TTN: variants seen among roughly 807,000 people sequenced by gnomAD.
TTN encodes the protein connectin.
Under a neutral mutation model 3,223.0 loss-of-function variants are expected in TTN, and 1,525 were observed. The observed-to-expected ratio is 0.47, with a 90% CI of 0.45 to 0.49. The LOEUF (loss-of-function observed/expected upper bound fraction) is 0.49, where lower values mean the gene tolerates loss of function less well. TTN is among the 20% of genes least tolerant of loss of function. The pLI is 0.00. For synonymous variants in TTN, 14,094 were observed against 15,161.0 expected (o/e 0.93, Z 5.17); for missense variants, 40,786 against 43,424.0 (o/e 0.94, Z 5.40).
At chr2:178,644,751 A>G (rs2061671543) in intron 217 of TTN, 135 bp from the exon 218 acceptor site, 1 of 615,798 alleles carries the variant, frequency 1.6e-6, no homozygotes, top group Non-Finnish European at 2.7e-6. Context: ...AACAGCCTTC[A>G]AAGAACATAC....
At position 178,572,583 on chromosome 2, in the gene TTN, G is replaced by T; in HGVS notation, c.73549C>A (p.Leu24517Ile). ...TCCTGTGGGGGGCCTGGTGTATCGAGAACTCTAACATTGACAAATGCAGAC... is the reference window on the plus strand; with the variant it reads ...TCCTGTGGGGGGCCTGGTGTATCGATAACTCTAACATTGACAAATGCAGAC... ...SKSAFVNVRV[L>I]DTPGPPQDLK... is the part of the protein sequence containing the mutation. The change falls in exon 326 of 363, where the codon CTC becomes ATC. Residue 24517 changes from leucine to isoleucine, a missense_variant. Physicochemically the swap from Leu to Ile is conservative, Grantham distance 5 (BLOSUM62 2). Coordinates refer to ENST00000589042, the MANE Select transcript of TTN (RefSeq NM_001267550.2). The T allele has an allele frequency of 6.2e-7, 1 of 1,613,418 alleles. No homozygotes were observed.
At position 178,667,237 on chromosome 2, in the gene TTN, T is replaced by A; in HGVS notation, c.35796A>T (p.Glu11932Asp). ...IPEIPEHPPT[E>D]EFEVFKEVIP... ...ATTTTCCTAACTAGAGAATTATACC[T>A]TCAGTTGGAGGATGTTCTGGAATTT... The change falls in exon 162 of 363, where the codon GAA (glutamate) becomes GAT (aspartate). Residue 11932 changes from glutamate to aspartate, a missense_variant and splice_region_variant. Coordinates refer to ENST00000589042, the MANE Select transcript of TTN (RefSeq NM_001267550.2). 1 of 1,595,824 alleles carries A rather than the reference T, an allele frequency of 6.3e-7. No individual in the cohort carries two copies. The highest frequency in any genetic ancestry group is 8.5e-7 in the Non-Finnish European group (1 of 1,170,726).
chr2:178,724,678 T>TGG, intron 71 of TTN, 140 bp from the exon 72 acceptor site: 1 of 732,764 alleles, frequency 1.4e-6, no homozygotes, highest in Non-Finnish European at 1.9e-6. Context: ...TGTGATTCCA[T>TGG]AATTACATGC....
rs2075957760 is a variant in TTN at position 178,706,865 on chromosome 2, C to G, written c.29131G>C (p.Glu9711Gln). The change falls in exon 101 of 363, where the codon GAA (glutamate) becomes CAA (glutamine). Residue 9711 changes from glutamate to glutamine, a missense_variant. Transcript: ENST00000589042. ...VSEPQSIRVV[E>Q]KTTATFIAKV... Reference sequence around the variant, plus strand: ...ACTTCTCATGAAGTGCACTTACTTTCTACGACTCTGATACTCTGAGGTTCT... The same window carrying G: ...ACTTCTCATGAAGTGCACTTACTTTGTACGACTCTGATACTCTGAGGTTCT... The G allele has an allele frequency of 1.2e-6, 2 of 1,611,730 alleles. No homozygotes were observed. The highest frequency in any genetic ancestry group is 1.7e-5 in the Admixed American group (1 of 59,748).
In TTN at chr2:178,567,510, C is replaced by T; in HGVS notation, c.78622G>A (p.Gly26208Arg). The change falls in exon 326 of 363, where the codon GGA becomes AGA. Residue 26208 changes from glycine to arginine, a missense_variant. Physicochemically the swap from Gly to Arg is moderately radical, Grantham distance 125 (BLOSUM62 -2). Transcript: ENST00000589042. ...KFRDTIVVNA[G>R]ETFRLEADVH... is the part of the protein sequence containing the mutation. ...TCAGCCTCAAGTCTGAATGTTTCTC[C>T]AGCATTTACCACAATTGTGTCTCTG... 6.2e-7 allele frequency: 1 copy of T among 1,612,578 alleles called. No individual in the cohort carries two copies. The highest frequency in any genetic ancestry group is 1.3e-5 in the African/African-American group (1 of 74,954).
intron 350 of TTN, among the ~76,000 whole-genome samples, chr2:178,540,930 T>C (rs768670428): frequency 1.7e-4 from 26 of 152,238 alleles, no homozygotes; most frequent in Non-Finnish European, 2.5e-4. Flanking sequence ...ATCTTACATT[T>C]ATCAGCAGTT....
At position 178,550,219 on chromosome 2, in the gene TTN, G is replaced by GACTT; in HGVS notation, c.91615_91618dup (p.Ser30540Ter). The GACTT allele has an allele frequency of 6.2e-7, 1 of 1,613,486 alleles. No homozygotes were observed. ...AGCTTTAATTCTAAGGCTCTCTCCG[G>GACTT]ACTTAATAATGAGACCATCAAAGTA... On this transcript the variant is annotated stop_gained and frameshift_variant, in exon 337 of 363. Coordinates refer to ENST00000589042, the MANE Select transcript of TTN (RefSeq NM_001267550.2). LOFTEE classifies it high-confidence loss of function.
chr2:178,633,999 T>C lies in TTN; in HGVS notation c.42500A>G (p.His14167Arg). 2.5e-6 allele frequency: 4 copies of C among 1,613,360 alleles called. No homozygotes were observed. The highest frequency in any genetic ancestry group is 3.4e-6 in the Non-Finnish European group (4 of 1,179,524). ...GAACCAGACTACATGCATTTTTTCA[T>C]GAGAAAGTTCACAAACAAAAGTTGC... is the stretch of plus-strand genomic sequence containing the variant. ...ETATFVCELS[H>R]EKMHVVWFKN... is the part of the protein sequence containing the mutation. The change falls in exon 231 of 363, where the codon CAT becomes CGT. Residue 14167 changes from histidine (H) to arginine (R), a missense_variant. Transcript: ENST00000589042.
Position 178,630,908 on chromosome 2 carries a change from C to T in TTN, c.44050G>A (p.Val14684Met), listed in dbSNP as rs2059719746. The T allele has an allele frequency of 1.2e-6, 2 of 1,613,220 alleles. No individual in the cohort carries two copies. The highest frequency in any genetic ancestry group is 1.7e-6 in the Non-Finnish European group (2 of 1,179,522). ...EIKLVRPLHS[V>M]EVMETETARF... Reference sequence around the variant, plus strand: ...GCTGTCTCAGTCTCCATCACCTCCACACTGTGCAGGGGTCGCACCAGTTTA... The same window carrying T: ...GCTGTCTCAGTCTCCATCACCTCCATACTGTGCAGGGGTCGCACCAGTTTA... The change falls in exon 238 of 363, where the codon GTG becomes ATG. Residue 14684 changes from valine to methionine, a missense_variant. By Grantham distance (21) the Val-to-Met change is conservative. Coordinates refer to ENST00000589042, the MANE Select transcript of TTN (RefSeq NM_001267550.2).
intron 2 of TTN, 147 bp from the exon 3 acceptor site, chr2:178,802,488 G>A: frequency 1.1e-6 from 1 of 918,194 alleles, no homozygotes; most frequent in East Asian, 2.6e-5. Flanking sequence ...CCCTACAGTT[G>A]CATGATCAGT....
rs1353783438 is a variant in TTN at position 178,572,760 on chromosome 2, G to A, written c.73372C>T (p.Pro24458Ser). ...TGGTCCCGGGCCCACTTCACCTCAGGTGCAGGCCTTCCTTTGATGGGAACA... is the reference window on the plus strand; with the variant it reads ...TGGTCCCGGGCCCACTTCACCTCAGATGCAGGCCTTCCTTTGATGGGAACA... ...LFVPIKGRPA[P>S]EVKWARDHGE... is the part of the protein sequence containing the mutation. Residue 24458 changes from proline (P) to serine (S), a missense_variant, in exon 326 of 363, where the codon CCT becomes TCT. Coordinates refer to ENST00000589042, the MANE Select transcript of TTN (RefSeq NM_001267550.2). 1 of 1,613,456 alleles carries A rather than the reference G, an allele frequency of 6.2e-7. No individual in the cohort carries two copies. Among genetic ancestry groups the A allele is most frequent in the South Asian group, 1.1e-5 (1 of 91,058 alleles).
At chr2:178,736,391 T>C (rs750322505) in intron 49 of TTN, among the ~76,000 whole-genome samples, 11 of 152,232 alleles carry the variant, frequency 7.2e-5, no homozygotes, top group Non-Finnish European at 1.6e-4. Flanking sequence ...ATTGAGCTGA[T>C]ACTTTAATTC....
In TTN at chr2:178,572,961, C is replaced by T. The variant is rs1479035090; in HGVS notation, c.73171G>A (p.Glu24391Lys). 1 of 1,613,224 alleles carries T rather than the reference C, an allele frequency of 6.2e-7. No individual in the cohort carries two copies. ...ATSYTITGLT[E>K]NQEYKIRIYA... ...ATGCGGATCTTATATTCCTGATTCT[C>T]TGTGAGGCCAGTGATAGTATACGAA... Residue 24391 changes from glutamate (E) to lysine (K), a missense_variant, in exon 326 of 363, where the codon GAG becomes AAG. Glu to Lys is a moderately conservative substitution (Grantham distance 56, BLOSUM62 1). Transcript: ENST00000589042.
In TTN at chr2:178,573,125, C is replaced by T; in HGVS notation, c.73007G>A (p.Ser24336Asn). 6.2e-7 allele frequency: 1 copy of T among 1,613,318 alleles called. No individual in the cohort carries two copies. The highest frequency in any genetic ancestry group is 2.2e-5 in the East Asian group (1 of 44,722). The change falls in exon 326 of 363, where the codon AGC (serine) becomes AAC (asparagine). Residue 24336 changes from serine to asparagine, a missense_variant. Coordinates refer to ENST00000589042, the MANE Select transcript of TTN (RefSeq NM_001267550.2). The stretch of plus-strand genomic sequence containing the variant: ...CCAAGCGATTGAAATGGATGATCTG[C>T]TTGTATCCAGAACACGTGGGTTACC... Reference protein sequence around the residue: ...PPGNPRVLDTSRSSISIAWNK... With the variant: ...PPGNPRVLDTNRSSISIAWNK...
Position 178,577,491 on chromosome 2 carries a change from A to C in TTN, c.68844T>G (p.Leu22948=). The change falls in exon 324 of 363, where the codon CTT becomes CTG. Residue 22948 remains leucine (L), a synonymous_variant. Coordinates refer to ENST00000589042, the MANE Select transcript of TTN (RefSeq NM_001267550.2). ...KDEYEAPTIV[L]DPTIKDGLTI... ...TTAGCCCATCTTTTATTGTGGGATCAAGGACAATTGTTGGTGCCTCTGCAA... is the reference window on the plus strand; with the variant it reads ...TTAGCCCATCTTTTATTGTGGGATCCAGGACAATTGTTGGTGCCTCTGCAA... 6.3e-7 allele frequency: 1 copy of C among 1,590,596 alleles called. No individual in the cohort carries two copies. Among genetic ancestry groups the C allele is most frequent in the Non-Finnish European group, 8.6e-7 (1 of 1,165,944 alleles).
intron 211 of TTN, 85 bp downstream of exon 211, chr2:178,649,732 A>G (rs1326483268): frequency 6.4e-7 from 1 of 1,552,036 alleles, no homozygotes; most frequent in Non-Finnish European, 8.9e-7. Flanking sequence ...GAGTTAACAA[A>G]CATATAATAC....
rs775651612 is a variant in TTN, at chr2:178,588,615, C to T, written c.63110G>A (p.Arg21037His). 6.6e-5 allele frequency: 105 copies of T among 1,584,172 alleles called. No individual in the cohort carries two copies. Among genetic ancestry groups the T allele is most frequent in the Admixed American group, 1.6e-4 (9 of 55,310 alleles). Residue 21037 changes from arginine (R) to histidine (H), a missense_variant, in exon 304 of 363, where the codon CGT becomes CAT. Arg to His is a conservative substitution (Grantham distance 29). Transcript: ENST00000589042. ...TCCAATTTCATTTTCTGCCTTGACA[C>T]GGAACTGATATTCATGGTCTGGGAG... ...NLLPDHEYQFRVKAENEIGIG... is the reference protein window; with the variant it reads ...NLLPDHEYQFHVKAENEIGIG...
In TTN at chr2:178,531,131, A is replaced by G; in HGVS notation, c.105484T>C (p.Trp35162Arg). 1.2e-6 allele frequency: 2 copies of G among 1,613,974 alleles called. No individual in the cohort carries two copies. The highest frequency in any genetic ancestry group is 1.7e-6 in the Non-Finnish European group (2 of 1,179,866). ...CTTAGCACTTGTCCTTTACGCAGCC[A>G]GGTCACAGTTGGTACCGGCTCACCA... ...TDGEPVPTVT[W>R]LRKGQVLSTS... The change falls in exon 358 of 363, where the codon TGG (tryptophan) becomes CGG (arginine). Residue 35162 changes from tryptophan (W) to arginine (R), a missense_variant. Transcript: ENST00000589042.
Position 178,712,391 on chromosome 2 carries a change from C to T in TTN, c.27531G>A (p.Glu9177=), listed in dbSNP as rs1339109006. Reference sequence around the variant, plus strand: ...TGTAGCAGTTGTATTGTCCTGCATCCTCTACTGTGCTACTTGGAATTTCCA... The same window carrying T: ...TGTAGCAGTTGTATTGTCCTGCATCTTCTACTGTGCTACTTGGAATTTCCA... The part of the protein sequence containing the change: ...AILEIPSSTV[E]DAGQYNCYIE... The change falls in exon 95 of 363, where the codon GAG becomes GAA. Residue 9177 remains glutamate, a synonymous_variant. Transcript: ENST00000589042. The T allele has an allele frequency of 8.1e-6, 13 of 1,613,832 alleles. No individual in the cohort carries two copies. Among genetic ancestry groups the T allele is most frequent in the Non-Finnish European group, 1.1e-5 (13 of 1,179,816 alleles).
Sources: allele counts gnomAD v4.1 joint callset (sites outside exome capture counted in the v4.1 genomes callset), GRCh38; gene constraint gnomAD v4.1.1; transcripts MANE v1.5; gene names NCBI Gene and HGNC (gene_info 2026-07-23, HGNC 2026-07-21).